Variants in SLC35F1 observed in about 807,000 individuals in gnomAD.
The protein encoded by SLC35F1 is solute carrier family 35 member F1.
A neutral mutation model predicts 48.7 loss-of-function variants in SLC35F1; 14 were observed. The ratio of observed to expected loss-of-function variants is 0.29; its 90% CI spans 0.19 to 0.45. The LOEUF (loss-of-function observed/expected upper bound fraction) is 0.45, where lower values mean the gene tolerates loss of function less well. Among genes scored for constraint, SLC35F1 ranks in the 20% least tolerant of loss-of-function variants. The pLI is 1.00. For missense variants in SLC35F1, 404 were observed against 500.0 expected, an observed-to-expected ratio of 0.81 and a Z score of 1.83; for synonymous variants, 190 against 202.2, an observed-to-expected ratio of 0.94 and a Z score of 0.51.
At chr6:118,221,989 G>C (rs1342177700) in intron 2 of SLC35F1, among the ~76,000 whole-genome samples, 2 of 151,556 alleles carry the variant, frequency 1.3e-5, no homozygotes, top group Non-Finnish European at 2.9e-5. Context: ...TTTTGGGTCA[G>C]AATGCAAATA....
At chr6:118,149,512 A>G (rs1371327898) in intron 1 of SLC35F1, among the ~76,000 whole-genome samples, 8 of 152,098 alleles carry the variant, frequency 5.3e-5, no homozygotes, top group Non-Finnish European at 8.8e-5. Flanking sequence ...TTCTATTTTT[A>G]TTTACTGATT....
chr6:118,220,098 G>A (rs7748215), intron 2 of SLC35F1, among the ~76,000 whole-genome samples: 142,046 of 152,158 alleles, frequency 0.93, 66,365 homozygotes, highest in East Asian at 0.98. Context: ...GCACACTAAC[G>A]TGGCACATGT....
At chr6:118,240,010 A>G (rs1224579423) in intron 3 of SLC35F1, among the ~76,000 whole-genome samples, 1 of 152,210 alleles carries the variant, frequency 6.6e-6, no homozygotes, top group Non-Finnish European at 1.5e-5. Flanking sequence ...AGTACCTACT[A>G]CAATTTTCCC....
chr6:117,986,692 G>A (rs1562256024), intron 1 of SLC35F1, among the ~76,000 whole-genome samples: 1 of 152,188 alleles, frequency 6.6e-6, no homozygotes, highest in Non-Finnish European at 1.5e-5. Flanking sequence ...GAAATTGTTA[G>A]TCTGTCCCTC....
At chr6:118,009,037 G>T (rs1269285613) in intron 1 of SLC35F1, among the ~76,000 whole-genome samples, 1 of 152,086 alleles carries the variant, frequency 6.6e-6, no homozygotes, top group East Asian at 1.9e-4. Context: ...GTGTACTGTC[G>T]TGAAGTGTCA....
intron 1 of SLC35F1, among the ~76,000 whole-genome samples, chr6:117,990,004 G>A (rs754885520): frequency 1.1e-4 from 17 of 151,996 alleles, no homozygotes; most frequent in Non-Finnish European, 2.4e-4. Flanking sequence ...TTAGCATATC[G>A]TCCTGACAGT....
chr6:118,130,159 G>A (rs1582682367), intron 1 of SLC35F1, among the ~76,000 whole-genome samples: 1 of 152,192 alleles, frequency 6.6e-6, no homozygotes, highest in East Asian at 1.9e-4. Context: ...TTCCACAACT[G>A]TAACATGGAA....
intron 1 of SLC35F1, among the ~76,000 whole-genome samples, chr6:118,136,506 A>T (rs1773799059): frequency 1.3e-5 from 2 of 152,158 alleles, no homozygotes; most frequent in South Asian, 4.1e-4. Flanking sequence ...TAGTTGAGTC[A>T]CGTTATTTGT....
intron 1 of SLC35F1, among the ~76,000 whole-genome samples, chr6:118,152,293 T>C (rs1242517494): frequency 6.6e-6 from 1 of 152,112 alleles, no homozygotes; most frequent in Non-Finnish European, 1.5e-5. Flanking sequence ...AAGTGCTTCA[T>C]GGAGGAGTAA....
intron 7 of SLC35F1, among the ~76,000 whole-genome samples, chr6:118,291,778 G>C (rs144515691): frequency 6.6e-6 from 1 of 152,132 alleles, no homozygotes; most frequent in Admixed American, 6.5e-5. Flanking sequence ...ATGAAATGTT[G>C]TGTGGAAAAG....
intron 1 of SLC35F1, among the ~76,000 whole-genome samples, chr6:118,095,603 A>T (rs1404699529): frequency 6.6e-6 from 1 of 152,148 alleles, no homozygotes; most frequent in Non-Finnish European, 1.5e-5. Flanking sequence ...TCATTACCTA[A>T]TGTGCCCTTG....
At chr6:118,090,835 TG>T (rs955480203) in intron 1 of SLC35F1, among the ~76,000 whole-genome samples, 1 of 151,950 alleles carries the variant, frequency 6.6e-6, no homozygotes. Context: ...GAATGGACAA[TG>T]GGGGGGCATA....
chr6:118,166,572 G>T (rs750119754), intron 2 of SLC35F1, among the ~76,000 whole-genome samples: 1 of 152,168 alleles, frequency 6.6e-6, no homozygotes, highest in East Asian at 1.9e-4. Context: ...AGCAAGTGAA[G>T]AACTCACCTT....
intron 1 of SLC35F1, among the ~76,000 whole-genome samples, chr6:118,020,345 A>C (rs1175292825): frequency 6.6e-6 from 1 of 152,226 alleles, no homozygotes; most frequent in African/African-American, 2.4e-5. Flanking sequence ...ATTATACAGA[A>C]GTAAAGCTGA....
chr6:118,169,771 CAG>C (rs377025693), intron 2 of SLC35F1, among the ~76,000 whole-genome samples: 23 of 151,910 alleles, frequency 1.5e-4, no homozygotes, highest in African/African-American at 4.3e-4. Flanking sequence ...TAAAAAAAAA[CAG>C]GGGAGGAATT....
chr6:118,268,242 C>A (rs1463183882), intron 4 of SLC35F1, among the ~76,000 whole-genome samples: 1 of 152,114 alleles, frequency 6.6e-6, no homozygotes, highest in Non-Finnish European at 1.5e-5. Context: ...GAACACAAGG[C>A]CCCCGGCCTC....
intron 1 of SLC35F1, among the ~76,000 whole-genome samples, chr6:117,973,486 G>C (rs1776668685): frequency 6.6e-6 from 1 of 152,092 alleles, no homozygotes; most frequent in South Asian, 2.1e-4. Context: ...GTTTGATGAT[G>C]ATATGCTTTC....
At chr6:118,095,360 C>G (rs1773137962) in intron 1 of SLC35F1, among the ~76,000 whole-genome samples, 1 of 152,178 alleles carries the variant, frequency 6.6e-6, no homozygotes, top group African/African-American at 2.4e-5. Flanking sequence ...CGTGTAACCT[C>G]AGGCACATCA....
intron 2 of SLC35F1, among the ~76,000 whole-genome samples, chr6:118,159,247 A>AAAAAAAAAT (rs1774191640): frequency 1.4e-5 from 2 of 146,628 alleles, no homozygotes; most frequent in African/African-American, 5.0e-5. Flanking sequence ...AAAAAAAAAA[A>AAAAAAAAAT]GTGCTTACTG....
Sources: gnomAD v4.1 joint callset for allele counts (sites outside exome capture counted in the v4.1 genomes callset) on GRCh38, gnomAD v4.1.1 for gene constraint, MANE v1.5 for transcripts, NCBI Gene and HGNC (gene_info 2026-07-23, HGNC 2026-07-21) for gene names.